The following ITGA9 variants were observed in gnomAD, a reference collection of about 807,000 sequenced individuals.
The protein encoded by ITGA9 is integrin alpha-9.
In ITGA9, 56 loss-of-function variants were observed where a neutral mutation model predicts 127.8. The observed-to-expected ratio is 0.44, with a 90% CI of 0.35 to 0.55. The LOEUF (loss-of-function observed/expected upper bound fraction) is 0.55. Among genes scored for constraint, ITGA9 ranks in the 20% least tolerant of loss-of-function variants. The pLI is 0.00. For synonymous variants in ITGA9, 508 were observed against 514.5 expected, an observed-to-expected ratio of 0.99 and a Z score of 0.17; for missense variants, 1,196 against 1,347.1, an observed-to-expected ratio of 0.89 and a Z score of 1.76.
chr3:37,788,914 CTGTT>C (rs1252010373), intron 26 of ITGA9, among the ~76,000 whole-genome samples: 2 of 152,178 alleles, frequency 1.3e-5, no homozygotes, highest in East Asian at 3.9e-4. Flanking sequence ...CGGGACTTAC[CTGTT>C]TGTTTGTCAA....
intron 18 of ITGA9, among the ~76,000 whole-genome samples, chr3:37,717,310 A>G (rs1244766921): frequency 6.6e-6 from 1 of 152,242 alleles, no homozygotes; most frequent in East Asian, 1.9e-4. Context: ...AGTTCTGAAT[A>G]AGTAAACCCT....
At chr3:37,675,642 CAT>C (rs1290364860) in intron 17 of ITGA9, among the ~76,000 whole-genome samples, 5 of 151,104 alleles carry the variant, frequency 3.3e-5, no homozygotes, top group Non-Finnish European at 5.9e-5. Flanking sequence ...GAAAAGCACA[CAT>C]ATGTTACGCT....
chr3:37,476,799 G>T (rs1212901811), intron 3 of ITGA9, among the ~76,000 whole-genome samples: 1 of 152,132 alleles, frequency 6.6e-6, no homozygotes, highest in African/African-American at 2.4e-5. Context: ...GTGGCCATAT[G>T]TCCCCTTTTA....
Position 37,680,886 on chromosome 3 carries a change from G to A in ITGA9, c.1917-2979G>A, listed in dbSNP as rs910550946. ...TAATTGCCACAATAGCTTGAGATCA[G>A]GGTCTTAATTTATTGGAGGCCGTTC... On this transcript the variant is annotated intron_variant, in intron 17 of 27. Transcript: ENST00000264741. Among the ~76,000 whole-genome samples, 8 of 152,292 alleles carry A rather than the reference G, an allele frequency of 5.3e-5. No homozygotes were observed. The East Asian group carries it at 9.6e-4, about 18-fold the overall frequency.
At chr3:37,605,206 T>C (rs1026805886) in intron 15 of ITGA9, among the ~76,000 whole-genome samples, 3 of 151,930 alleles carry the variant, frequency 2.0e-5, no homozygotes, top group Non-Finnish European at 4.4e-5. Context: ...CCAAGAGTAG[T>C]AGGGAGCCTC....
At chr3:37,802,740 C>T (rs374496629) in intron 26 of ITGA9, among the ~76,000 whole-genome samples, 1 of 152,150 alleles carries the variant, frequency 6.6e-6, no homozygotes, top group Non-Finnish European at 1.5e-5. Context: ...AGTTCTCTGG[C>T]AGGAGGGTAG....
At chr3:37,512,050 T>TTC (rs1559524607) in intron 8 of ITGA9, among the ~76,000 whole-genome samples, 1 of 53,286 alleles carries the variant, frequency 1.9e-5, no homozygotes, top group African/African-American at 5.2e-5. Flanking sequence ...CTTTCTTTCT[T>TTC]TCTTTCTTTC....
At chr3:37,741,843 C>T (rs1407366352) in intron 21 of ITGA9, 24 bp downstream of exon 21, 2 of 1,577,328 alleles carry the variant, frequency 1.3e-6, no homozygotes, top group Non-Finnish European at 1.7e-6. Context: ...TCCTGGGTTG[C>T]CACAACACAG....
At chr3:37,707,512 T>C (rs571867827) in intron 18 of ITGA9, among the ~76,000 whole-genome samples, 2 of 152,326 alleles carry the variant, frequency 1.3e-5, no homozygotes, top group African/African-American at 4.8e-5. Flanking sequence ...TTTTTTGTCA[T>C]GCATCTTCTG....
At chr3:37,813,947 G>C (rs921239125) in intron 27 of ITGA9, among the ~76,000 whole-genome samples, 1 of 152,028 alleles carries the variant, frequency 6.6e-6, no homozygotes, top group Non-Finnish European at 1.5e-5. Context: ...TGAATTCAAA[G>C]ACCTCATAAT....
chr3:37,553,729 T>G (rs943697302), intron 15 of ITGA9, among the ~76,000 whole-genome samples: 1 of 152,224 alleles, frequency 6.6e-6, no homozygotes, highest in Non-Finnish European at 1.5e-5. Flanking sequence ...GTTTCAACTC[T>G]GGGGAAGGTG....
At chr3:37,663,896 T>C (rs1336279297) in intron 17 of ITGA9, among the ~76,000 whole-genome samples, 1 of 152,246 alleles carries the variant, frequency 6.6e-6, no homozygotes, top group Non-Finnish European at 1.5e-5. Context: ...GCATATTAAT[T>C]AATTAATACA....
intron 3 of ITGA9, among the ~76,000 whole-genome samples, chr3:37,474,797 C>T (rs761071907): frequency 1.3e-5 from 2 of 152,210 alleles, no homozygotes; most frequent in African/African-American, 2.4e-5. Flanking sequence ...CTGAGGGTTT[C>T]GTGTGTATTT....
At chr3:37,477,382 G>A (rs976472770) in intron 3 of ITGA9, among the ~76,000 whole-genome samples, 10 of 152,276 alleles carry the variant, frequency 6.6e-5, no homozygotes, top group South Asian at 2.1e-4. Context: ...GCAATGGGGC[G>A]TGAAATGTCT....
chr3:37,816,920 G>A (rs1697440658), intron 27 of ITGA9, among the ~76,000 whole-genome samples: 3 of 152,180 alleles, frequency 2.0e-5, no homozygotes, highest in Non-Finnish European at 4.4e-5. Flanking sequence ...TCCCCTCACG[G>A]TGAATGCTCA....
intron 11 of ITGA9, among the ~76,000 whole-genome samples, chr3:37,519,902 C>G (rs1205347582): frequency 1.3e-5 from 2 of 151,946 alleles, no homozygotes; most frequent in African/African-American, 4.8e-5. Context: ...CAAGCCCAGC[C>G]CATGGGAAAA....
At chr3:37,674,035 A>G (rs996038962) in intron 17 of ITGA9, among the ~76,000 whole-genome samples, 9 of 152,224 alleles carry the variant, frequency 5.9e-5, no homozygotes, top group Non-Finnish European at 8.8e-5. Context: ...TACAGATTTC[A>G]TGAAGGCATT....
chr3:37,714,319 C>G (rs962605626), intron 18 of ITGA9, among the ~76,000 whole-genome samples: 1 of 152,226 alleles, frequency 6.6e-6, no homozygotes, highest in Non-Finnish European at 1.5e-5. Context: ...TTCAGCACTT[C>G]CTCACCACAG....
intron 15 of ITGA9, among the ~76,000 whole-genome samples, chr3:37,586,114 G>T (rs911762101): frequency 1.8e-4 from 28 of 152,192 alleles, no homozygotes. Flanking sequence ...TTCTTTCTGA[G>T]CTTGTTTTGT....
Sources: gnomAD v4.1 joint callset for allele counts (sites outside exome capture counted in the v4.1 genomes callset) on GRCh38, gnomAD v4.1.1 for gene constraint, MANE v1.5 for transcripts, NCBI Gene and HGNC (gene_info 2026-07-23, HGNC 2026-07-21) for gene names.